The following CELF4 variants were observed in gnomAD, a reference collection of about 807,000 sequenced individuals.
The protein encoded by CELF4 is CUG-BP- and ETR-3-like factor 4.
In CELF4, 18 loss-of-function variants were observed where a neutral mutation model predicts 59.9. The ratio of observed to expected loss-of-function variants is 0.30; its 90% confidence interval spans 0.21 to 0.45. CELF4 has a LOEUF of 0.45. Ranked by LOEUF, CELF4 falls within the 20% of genes least tolerant of loss-of-function variation. CELF4 has a pLI of 1.00. For missense variants in CELF4, 456 were observed against 689.0 expected (o/e 0.66, Z 3.79); for synonymous variants, 261 against 267.1 (o/e 0.98, Z 0.22).
chr18:37,402,826 C>A (rs1465909569), intron 2 of CELF4, among the ~76,000 whole-genome samples: 1 of 152,184 alleles, frequency 6.6e-6, no homozygotes, highest in Non-Finnish European at 1.5e-5. Flanking sequence ...CCTTCCACAG[C>A]CTAACAAGTT....
intron 1 of CELF4, among the ~76,000 whole-genome samples, chr18:37,511,095 A>G (rs1434705963): frequency 6.6e-6 from 1 of 152,196 alleles, no homozygotes; most frequent in Non-Finnish European, 1.5e-5. Flanking sequence ...AAAAGATTGA[A>G]TGATGAATAA....
rs565631549 is a variant in CELF4 at position 37,271,034 on chromosome 18, G to A, written c.950-117C>T. The A allele has an allele frequency of 6.8e-5, 57 of 833,952 alleles. No homozygotes were observed. The African/African-American group carries it at 8.9e-4, about 13-fold the overall frequency. 51.7% of individuals were successfully genotyped at this position (833,952 alleles called of 1,614,324 possible). ...TTCCAAGGACCTGCGGATAGACTTG[G>A]ACCTCACATACCAGTTCAATCTTAT... On this transcript the variant is annotated intron_variant, in intron 7 of 12. Coordinates refer to ENST00000420428, the MANE Select transcript of CELF4 (RefSeq NM_020180.4).
intron 1 of CELF4, among the ~76,000 whole-genome samples, chr18:37,506,754 C>T (rs746737667): frequency 2.6e-5 from 4 of 152,222 alleles, no homozygotes; most frequent in African/African-American, 4.8e-5. Flanking sequence ...CCATTAAACG[C>T]AATGTGGCGC....
chr18:37,400,475 T>C (rs1357607423), intron 2 of CELF4, among the ~76,000 whole-genome samples: 1 of 152,228 alleles, frequency 6.6e-6, no homozygotes, highest in African/African-American at 2.4e-5. Flanking sequence ...AATGTGTTTG[T>C]TGCATTCATG....
chr18:37,320,178 A>T (rs926683838), intron 3 of CELF4, among the ~76,000 whole-genome samples: 1 of 152,118 alleles, frequency 6.6e-6, no homozygotes, highest in Non-Finnish European at 1.5e-5. Flanking sequence ...TCTACTAAAA[A>T]TACAAAAATT....
chr18:37,355,941 C>A (rs933649834), intron 2 of CELF4, among the ~76,000 whole-genome samples: 1 of 152,158 alleles, frequency 6.6e-6, no homozygotes, highest in Non-Finnish European at 1.5e-5. Flanking sequence ...CCTCGGAATG[C>A]CCTGGAGGCA....
In CELF4 at chr18:37,273,811, C is replaced by T. The variant is rs961234702; in HGVS notation, c.801+500G>A. On this transcript the variant is annotated intron_variant, in intron 6 of 12. Coordinates refer to ENST00000420428, the MANE Select transcript of CELF4 (RefSeq NM_020180.4). ...GGGAGAGGCTGACAGAGTGGGCCCC[C>T]ATGTGGAAGAAAGAAGTAGGTGGGC... The T allele has an allele frequency of 2.2e-5, 22 of 989,636 alleles. 1 individual carries two copies. In the South Asian group the frequency reaches 6.5e-4, roughly 29 times the overall value. The allele number at this position is 989,636 out of a possible 1,614,324, so 61.3% of individuals were successfully genotyped here. A position where few individuals can be genotyped will look rare whatever the true frequency, so the allele number is the denominator to read the frequency against.
rs145524925 is a variant in CELF4, at chr18:37,365,536, A to C, written c.370-43655T>G. Reference sequence around the variant, plus strand: ...AGTCTTGTTCTGTCACCCAGGCTGGAGTGCAATCATGCTATCTCGGCTCAC... The same window carrying C: ...AGTCTTGTTCTGTCACCCAGGCTGGCGTGCAATCATGCTATCTCGGCTCAC... On this transcript the variant is annotated intron_variant, in intron 2 of 12. Coordinates refer to ENST00000420428, the MANE Select transcript of CELF4 (RefSeq NM_020180.4). 1.1e-3 allele frequency among the ~76,000 whole-genome samples: 136 copies of C among 122,874 alleles called. 1 individual carries two copies. The highest frequency in any genetic ancestry group is 1.3e-3 in the Admixed American group (12 of 8,996). 80.6% of individuals were successfully genotyped at this position (122,874 alleles called of 152,430 possible).
intron 2 of CELF4, among the ~76,000 whole-genome samples, chr18:37,386,096 T>C (rs1268341517): frequency 8.5e-5 from 13 of 152,230 alleles, no homozygotes; most frequent in Non-Finnish European, 1.0e-4. Flanking sequence ...AGATGATGAA[T>C]GAATGTATTG....
At chr18:37,271,406 C>T (rs1220990697) in intron 7 of CELF4, among the ~76,000 whole-genome samples, 2 of 152,088 alleles carry the variant, frequency 1.3e-5, no homozygotes, top group Non-Finnish European at 2.9e-5. Flanking sequence ...CAGCATGCAC[C>T]ACCAGGCCCA....
At chr18:37,330,433 T>G (rs1236816134) in intron 2 of CELF4, among the ~76,000 whole-genome samples, 1 of 152,212 alleles carries the variant, frequency 6.6e-6, no homozygotes, top group Non-Finnish European at 1.5e-5. Context: ...GTTGTAAATA[T>G]ATTAATGCTT....
chr18:37,365,504 G>A (rs1215182706), intron 2 of CELF4, among the ~76,000 whole-genome samples: 2 of 9,498 alleles, frequency 2.1e-4, no homozygotes, highest in African/African-American at 9.0e-4. Context: ...TTTTTTTTTT[G>A]AGATGGAGTC....
intron 3 of CELF4, 60 bp downstream of exon 3, chr18:37,321,743 G>T (rs540378763): frequency 2.4e-6 from 3 of 1,248,904 alleles, no homozygotes; most frequent in East Asian, 2.4e-5. Flanking sequence ...TTGCTGCGTC[G>T]GGAAAAGGAG....
chr18:37,348,446 A>T (rs557533152), intron 2 of CELF4, among the ~76,000 whole-genome samples: 1 of 152,212 alleles, frequency 6.6e-6, no homozygotes, highest in South Asian at 2.1e-4. Context: ...CCCACATCAC[A>T]TCAGGCGCTT....
intron 2 of CELF4, among the ~76,000 whole-genome samples, chr18:37,463,769 G>A (rs1018980370): frequency 2.6e-5 from 4 of 152,120 alleles, no homozygotes; most frequent in African/African-American, 9.7e-5. Context: ...CCTGGCCTGC[G>A]GCGTCCAGGC....
chr18:37,419,981 T>A (rs2099566747), intron 2 of CELF4, among the ~76,000 whole-genome samples: 1 of 152,178 alleles, frequency 6.6e-6, no homozygotes, highest in Non-Finnish European at 1.5e-5. Context: ...GGCAGCTACA[T>A]CTAGTCATCA....
At position 37,253,556 on chromosome 18, in the gene CELF4, G is replaced by C. The variant is rs1280315890; in HGVS notation, c.*44+211C>G. 1.3e-5 allele frequency among the ~76,000 whole-genome samples: 2 copies of C among 152,182 alleles called. No individual in the cohort carries two copies. The highest frequency in any genetic ancestry group is 2.9e-5 in the Non-Finnish European group (2 of 68,014). On this transcript the variant is annotated intron_variant, in intron 12 of 12. Coordinates refer to ENST00000420428, the MANE Select transcript of CELF4 (RefSeq NM_020180.4). The surrounding 1 kb of genome is among the most constrained non-coding windows in gnomAD (Gnocchi z 4.5). The stretch of plus-strand genomic sequence containing the variant: ...GGCTCCCTCACTCCTGCCCCTGGTG[G>C]CCCTGCCACAGGGAAATGGCCAGGC...
intron 1 of CELF4, among the ~76,000 whole-genome samples, chr18:37,555,198 G>T (rs1228735218): frequency 1.3e-5 from 2 of 152,156 alleles, no homozygotes; most frequent in African/African-American, 4.8e-5. Context: ...CACACAGCGG[G>T]GGCAAGCATG....
chr18:37,276,710 A>G (rs1300460362), intron 3 of CELF4: 1 of 152,330 alleles, frequency 6.6e-6, no homozygotes, highest in East Asian at 1.9e-4. Context: ...TTCCTGACCC[A>G]TGGAATCCAT....
Sources: gnomAD v4.1 joint callset for allele counts (sites outside exome capture counted in the v4.1 genomes callset) on GRCh38, gnomAD v4.1.1 for gene constraint, Gnocchi (gnomAD v3.1) non-coding constraint, MANE v1.5 for transcripts, NCBI Gene and HGNC (gene_info 2026-07-23, HGNC 2026-07-21) for gene names.